The following PLCB1 variants were observed in gnomAD, a reference collection of about 807,000 sequenced individuals.
PLCB1 encodes the protein phospholipase C beta 1, also known as 1-phosphatidylinositol 4,5-bisphosphate phosphodiesterase beta-1.
In PLCB1, 46 loss-of-function variants were observed where a neutral mutation model predicts 161.8. That is an observed-to-expected ratio of 0.28 (90% CI 0.22 to 0.36). PLCB1 has a LOEUF of 0.36. Ranked by LOEUF, PLCB1 falls within the 10% of genes least tolerant of loss-of-function variation. The probability of loss-of-function intolerance (pLI) is 1.00; values close to 1 mark genes in which losing one functional copy is unlikely to be tolerated. For missense variants in PLCB1, 1,016 were observed against 1,472.5 expected (o/e 0.69, Z 5.07); for synonymous variants, 517 against 503.7 (o/e 1.03, Z -0.35).
intron 9 of PLCB1, among the ~76,000 whole-genome samples, chr20:8,666,404 G>A (rs1181237977): frequency 6.6e-6 from 1 of 152,108 alleles, no homozygotes; most frequent in Non-Finnish European, 1.5e-5. Flanking sequence ...TAAGGTCAGA[G>A]TTGCTGAGCA....
intron 12 of PLCB1, among the ~76,000 whole-genome samples, chr20:8,712,426 T>C (rs1979072256): frequency 6.6e-6 from 1 of 152,242 alleles, no homozygotes; most frequent in Admixed American, 6.5e-5. Flanking sequence ...CTGCTTTCAA[T>C]GTATCCTGTT....
At position 8,658,527 on chromosome 20, in the gene PLCB1, A is replaced by G. The variant is rs1555780847; in HGVS notation, c.696-11A>G. The G allele has an allele frequency of 1.3e-6, 2 of 1,565,158 alleles. No individual in the cohort carries two copies. The highest frequency in any genetic ancestry group is 1.7e-6 in the Non-Finnish European group (2 of 1,160,338). On this transcript the variant is annotated splice_polypyrimidine_tract_variant and intron_variant, in intron 8 of 31. Coordinates refer to ENST00000338037, the MANE Select transcript of PLCB1 (RefSeq NM_015192.4). ...AAAAATTCTTATTGCTTGGTTTTTC[A>G]TTGTTTTTAGTGGTGCAAAAAGCAA...
At chr20:8,860,499 T>A (rs1987218757) in intron 31 of PLCB1, among the ~76,000 whole-genome samples, 1 of 152,238 alleles carries the variant, frequency 6.6e-6, no homozygotes. Context: ...AATTTTATTT[T>A]CAGTTTCTAA....
chr20:8,249,876 C>T (rs558439469), intron 2 of PLCB1: 1 of 152,032 alleles, frequency 6.6e-6, no homozygotes, highest in East Asian at 2.0e-4. Context: ...AGCATATTAG[C>T]TGTGCCCTCC....
In PLCB1 at chr20:8,609,871, G is replaced by A. The variant is rs553980253; in HGVS notation, c.247-18423G>A. 1.1e-4 allele frequency among the ~76,000 whole-genome samples: 17 copies of A among 152,232 alleles called. No homozygotes were observed. In the East Asian group the frequency reaches 1.5e-3, roughly 14 times the overall value. On this transcript the variant is annotated intron_variant, in intron 3 of 31. Transcript: ENST00000338037. ...AAGCATGGTATACACATCACAAAGGGTGCACAGGTACTTTAGGGTGAATAT... is the reference window on the plus strand; with the variant it reads ...AAGCATGGTATACACATCACAAAGGATGCACAGGTACTTTAGGGTGAATAT...
intron 2 of PLCB1, among the ~76,000 whole-genome samples, chr20:8,282,693 G>A (rs1055658720): frequency 3.9e-5 from 6 of 152,160 alleles, no homozygotes; most frequent in Non-Finnish European, 7.4e-5. Context: ...AATCAAAGGG[G>A]TTGGTAGATG....
At position 8,447,404 on chromosome 20, in the gene PLCB1, A is replaced by G. The variant is rs116211012; in HGVS notation, c.246+75954A>G. Among the ~76,000 whole-genome samples the G allele has an allele frequency of 2.7e-3, 418 of 152,312 alleles. 4 individuals carry two copies. The highest frequency in any genetic ancestry group is 9.5e-3 in the African/African-American group (393 of 41,570). ...AATACTCATTAAGTGAATGTACATG[A>G]AGTGATGCCTGACACATTCCAAAAA... On this transcript the variant is annotated intron_variant, in intron 3 of 31. Transcript: ENST00000338037.
chr20:8,413,434 A>T (rs1265837274), intron 3 of PLCB1, among the ~76,000 whole-genome samples: 1 of 152,158 alleles, frequency 6.6e-6, no homozygotes, highest in Non-Finnish European at 1.5e-5. Context: ...TTTCTTTTTC[A>T]AGTTGTCAGT....
chr20:8,270,174 C>G (rs1007356637), intron 2 of PLCB1, among the ~76,000 whole-genome samples: 1 of 152,020 alleles, frequency 6.6e-6, no homozygotes, highest in Non-Finnish European at 1.5e-5. Flanking sequence ...GCACTGTGAC[C>G]CAGATTCACA....
chr20:8,583,410 T>C (rs6118258), intron 3 of PLCB1, among the ~76,000 whole-genome samples: 56,358 of 152,078 alleles, frequency 0.37, 10,925 homozygotes, highest in African/African-American at 0.5. Context: ...AAATAGTTTT[T>C]TTAAAAAACA....
At chr20:8,762,157 C>T (rs775749229) in intron 25 of PLCB1, among the ~76,000 whole-genome samples, 1 of 152,076 alleles carries the variant, frequency 6.6e-6, no homozygotes, top group Non-Finnish European at 1.5e-5. Flanking sequence ...TTGCCGTGAG[C>T]CAAGGTTGCG....
chr20:8,339,399 G>A (rs1227593687), intron 2 of PLCB1, among the ~76,000 whole-genome samples: 2 of 152,138 alleles, frequency 1.3e-5, no homozygotes, highest in African/African-American at 4.8e-5. Context: ...AGGAGGCAAT[G>A]GAATTATGGA....
chr20:8,582,173 T>C (rs1233606181), intron 3 of PLCB1, among the ~76,000 whole-genome samples: 1 of 152,162 alleles, frequency 6.6e-6, no homozygotes, highest in African/African-American at 2.4e-5. Context: ...GATAGCCCAA[T>C]GTAGATGCTA....
At chr20:8,453,071 ACTT>A (rs1337965830) in intron 3 of PLCB1, among the ~76,000 whole-genome samples, 7 of 152,142 alleles carry the variant, frequency 4.6e-5, no homozygotes, top group Non-Finnish European at 8.8e-5. Flanking sequence ...CTCCTTATCT[ACTT>A]CTTTGTGAAT....
intron 3 of PLCB1, among the ~76,000 whole-genome samples, chr20:8,541,396 G>A (rs1985309375): frequency 6.6e-6 from 1 of 152,114 alleles, no homozygotes. Flanking sequence ...CTTGCAAAGA[G>A]GAGTTGTCAA....
intron 31 of PLCB1, among the ~76,000 whole-genome samples, chr20:8,801,404 T>A (rs1013762709): frequency 2.6e-5 from 4 of 152,184 alleles, no homozygotes; most frequent in African/African-American, 9.7e-5. Context: ...TTTGTCACCT[T>A]CTCTCATTCA....
chr20:8,871,797 T>A (rs1286395405), intron 31 of PLCB1, among the ~76,000 whole-genome samples: 2 of 152,200 alleles, frequency 1.3e-5, no homozygotes, highest in African/African-American at 4.8e-5. Context: ...TTAGATTTTT[T>A]TTGCTGTAAG....
intron 2 of PLCB1, among the ~76,000 whole-genome samples, chr20:8,160,594 G>A (rs1162140162): frequency 1.3e-5 from 2 of 152,186 alleles, no homozygotes; most frequent in Non-Finnish European, 2.9e-5. Context: ...ATTAGATCTT[G>A]TGAGACTTAT....
chr20:8,277,026 G>A (rs1332251642), intron 2 of PLCB1, among the ~76,000 whole-genome samples: 2 of 128,496 alleles, frequency 1.6e-5, no homozygotes. Flanking sequence ...GTTAGAGATG[G>A]AGTCTCACTC....
Sources: gnomAD v4.1 joint callset for allele counts (sites outside exome capture counted in the v4.1 genomes callset) on GRCh38, gnomAD v4.1.1 for gene constraint, MANE v1.5 for transcripts, NCBI Gene and HGNC (gene_info 2026-07-23, HGNC 2026-07-21) for gene names.